APBB2: variants seen among roughly 807,000 people sequenced by gnomAD.
APBB2 encodes the protein Fe65-like 1.
In APBB2, 38 loss-of-function variants were observed where a neutral mutation model predicts 82.5. The observed-to-expected ratio is 0.46, with a 90% CI of 0.36 to 0.60. APBB2 has a LOEUF of 0.60. Among genes scored for constraint, APBB2 ranks in the 20% least tolerant of loss-of-function variants. The pLI is 0.00. For synonymous variants in APBB2, 341 were observed against 368.2 expected (o/e 0.93, Z 0.85); for missense variants, 772 against 972.3 (o/e 0.79, Z 2.74).
rs149954167 is a variant in APBB2, at chr4:41,147,967, T to C, written c.-416-4825A>G. Among the ~76,000 whole-genome samples the C allele has an allele frequency of 5.6e-3, 852 of 152,282 alleles. 5 individuals carry two copies. The highest frequency in any genetic ancestry group is 8.9e-3 in the Non-Finnish European group (606 of 68,030). The stretch of plus-strand genomic sequence containing the variant: ...GCATTAACTTACTTAAAAAAAAGTA[T>C]TGGAATATTTTTATTATAAAAATTA... On this transcript the variant is annotated intron_variant, in intron 1 of 17. Coordinates refer to ENST00000508593, the MANE Select transcript of APBB2 (RefSeq NM_004307.2).
intron 6 of APBB2, among the ~76,000 whole-genome samples, chr4:40,996,076 T>A (rs1338732963): frequency 1.3e-5 from 2 of 152,360 alleles, no homozygotes; most frequent in Middle Eastern, 3.4e-3. Flanking sequence ...GCAGAGATTC[T>A]GAACATCAGT....
At chr4:41,064,735 G>C (rs1484139657) in intron 4 of APBB2, among the ~76,000 whole-genome samples, 1 of 152,200 alleles carries the variant, frequency 6.6e-6, no homozygotes, top group Non-Finnish European at 1.5e-5. Flanking sequence ...GACATCGAAG[G>C]TCATCCCTGA....
intron 2 of APBB2, among the ~76,000 whole-genome samples, chr4:41,114,645 T>C (rs1388800512): frequency 6.6e-6 from 1 of 152,206 alleles, no homozygotes. Context: ...AAAATCAATG[T>C]GCAAAAATCA....
chr4:40,901,412 G>A (rs907124540), intron 10 of APBB2, among the ~76,000 whole-genome samples: 6 of 152,074 alleles, frequency 3.9e-5, no homozygotes, highest in Admixed American at 1.3e-4. Flanking sequence ...CCTAGGTGGT[G>A]GGGGACAGGG....
chr4:40,851,738 ATTTTTTT>A (rs869027470), intron 12 of APBB2, among the ~76,000 whole-genome samples: 91 of 67,734 alleles, frequency 1.3e-3, no homozygotes, highest in South Asian at 8.8e-3. Context: ...ATATATATAT[ATTTTTTT>A]TTTTTTTTTT....
intron 3 of APBB2, among the ~76,000 whole-genome samples, chr4:41,079,084 C>CA (rs1422422577): frequency 5.9e-5 from 9 of 152,206 alleles, no homozygotes. Context: ...GCTGAAGTGA[C>CA]AGAGTTGGTA....
intron 1 of APBB2, among the ~76,000 whole-genome samples, chr4:41,198,442 C>T: frequency 3.3e-5 from 5 of 152,172 alleles, no homozygotes; most frequent in Non-Finnish European, 7.3e-5. Flanking sequence ...AATATAATAG[C>T]AGCAAGCACT....
At chr4:41,108,242 C>G (rs923432758) in intron 2 of APBB2, among the ~76,000 whole-genome samples, 8 of 152,010 alleles carry the variant, frequency 5.3e-5, no homozygotes, top group African/African-American at 1.7e-4. Flanking sequence ...AAACTAGTAA[C>G]CATAGTTACT....
intron 6 of APBB2, among the ~76,000 whole-genome samples, chr4:40,948,917 T>C (rs1217841664): frequency 4.7e-5 from 5 of 106,078 alleles, no homozygotes; most frequent in African/African-American, 1.2e-4. Context: ...AAAAAAAAAA[T>C]TACACATTTA....
At chr4:40,824,385 G>A (rs1391782657) in intron 15 of APBB2, among the ~76,000 whole-genome samples, 1 of 152,154 alleles carries the variant, frequency 6.6e-6, no homozygotes, top group Non-Finnish European at 1.5e-5. Flanking sequence ...GGGGGATAGG[G>A]GTGGGAGTGA....
At chr4:41,130,148 T>C (rs1410546072) in intron 2 of APBB2, among the ~76,000 whole-genome samples, 1 of 152,174 alleles carries the variant, frequency 6.6e-6, no homozygotes, top group Non-Finnish European at 1.5e-5. Context: ...AGGGAGGCTG[T>C]GATGGGGCCA....
At chr4:40,960,849 T>C (rs1032878607) in intron 6 of APBB2, among the ~76,000 whole-genome samples, 1 of 151,866 alleles carries the variant, frequency 6.6e-6, no homozygotes, top group Non-Finnish European at 1.5e-5. Flanking sequence ...CCACCCGATA[T>C]AAACGCTACA....
At chr4:40,845,357 C>T (rs1412009855) in intron 12 of APBB2, among the ~76,000 whole-genome samples, 1 of 151,972 alleles carries the variant, frequency 6.6e-6, no homozygotes, top group East Asian at 1.9e-4. Flanking sequence ...TAGTGCCAGG[C>T]GTAAGTCTAC....
rs1807465812 is a variant in APBB2 at position 41,008,656 on chromosome 4, TC to T, written c.835+4926del. ...TCTCTAATATAATAATCATGAATAT[TC>T]ATTGAGCTCTTGCTATATGCCAGAT... On this transcript the variant is annotated intron_variant, in intron 6 of 17. Transcript: ENST00000508593. Among the ~76,000 whole-genome samples the T allele has an allele frequency of 3.3e-5, 5 of 152,346 alleles. No homozygotes were observed. In the South Asian group the frequency reaches 1.0e-3, roughly 32 times the overall value.
chr4:40,845,613 A>AC (rs1488944826), intron 12 of APBB2, among the ~76,000 whole-genome samples: 1,899 of 140,738 alleles, frequency 0.013, 26 homozygotes, highest in Non-Finnish European at 0.024. Flanking sequence ...AAAAAAAAAA[A>AC]AACCAGCACA....
In APBB2 at chr4:40,934,632, T is replaced by C; in HGVS notation, c.1175A>G (p.Tyr392Cys). Residue 392 changes from tyrosine to cysteine, a missense_variant, in exon 9 of 18, where the codon TAT becomes TGT. By Grantham distance (194) the Tyr-to-Cys change is radical. Coordinates refer to ENST00000508593, the MANE Select transcript of APBB2 (RefSeq NM_004307.2). ...GTCCTACCTGAGTTTCAAAGATGCATAGCGTAGGGTTGCTCCTTCAAACTC... is the reference window on the plus strand; with the variant it reads ...GTCCTACCTGAGTTTCAAAGATGCACAGCGTAGGGTTGCTCCTTCAAACTC... Reference protein sequence around the residue: ...LKEFEGATLRYASLKLRNAPH... With the variant: ...LKEFEGATLRCASLKLRNAPH... The C allele has an allele frequency of 6.2e-7, 1 of 1,614,020 alleles. No homozygotes were observed. Among genetic ancestry groups the C allele is most frequent in the Non-Finnish European group, 8.5e-7 (1 of 1,179,856 alleles).
rs936603832 is a variant in APBB2, at chr4:41,148,086, T to C, written c.-416-4944A>G. 1.7e-4 allele frequency among the ~76,000 whole-genome samples: 26 copies of C among 152,286 alleles called. No individual in the cohort carries two copies. In the South Asian group the frequency reaches 5.2e-3, roughly 30 times the overall value. On this transcript the variant is annotated intron_variant, in intron 1 of 17. Coordinates refer to ENST00000508593, the MANE Select transcript of APBB2 (RefSeq NM_004307.2). ...ATGAGGGTTCGTTAAAAAAAAATTT[T>C]CTTTCAAAAAGAATCTATCACAGGT...
chr4:41,044,096 G>A (rs1336513327), intron 4 of APBB2, among the ~76,000 whole-genome samples: 7 of 152,088 alleles, frequency 4.6e-5, no homozygotes, highest in Admixed American at 1.3e-4. Flanking sequence ...AAATCCACAG[G>A]GGTTGGAAAA....
intron 6 of APBB2, among the ~76,000 whole-genome samples, chr4:40,982,283 AAGGAAGGAAGGAAGGAAGGAAGG>A (rs1798890616): frequency 3.4e-5 from 1 of 29,450 alleles, no homozygotes; most frequent in Non-Finnish European, 6.5e-5. Context: ...AGAAAGAAAG[AAGGAAGGAAGGAAGGAAGGAAGG>A]AAAGAAAGAA....
Sources: allele counts gnomAD v4.1 joint callset (sites outside exome capture counted in the v4.1 genomes callset), GRCh38; gene constraint gnomAD v4.1.1; transcripts MANE v1.5; gene names NCBI Gene and HGNC (gene_info 2026-07-23, HGNC 2026-07-21).